The following PEBP4 variants were observed in gnomAD, a reference collection of about 807,000 sequenced individuals.
PEBP4 encodes phosphatidylethanolamine binding protein 4, also known as phosphatidylethanolamine-binding protein 4.
PEBP4 carries 22 observed loss-of-function variants against 23.9 expected under a neutral mutation model. The ratio of observed to expected loss-of-function variants is 0.92; its 90% CI spans 0.66 to 1.31. PEBP4 has a LOEUF of 1.31. Ranked by LOEUF, PEBP4 falls within the 40% of genes most tolerant of loss-of-function variation. The pLI, the probability that PEBP4 is intolerant of heterozygous loss-of-function variation, is 0.00. For synonymous variants in PEBP4, 112 were observed against 99.3 expected (o/e 1.13, Z -0.76); for missense variants, 324 against 281.7 (o/e 1.15, Z -1.07).
chr8:22,748,286 C>G (rs1194093933), intron 4 of PEBP4, among the ~76,000 whole-genome samples: 1 of 152,030 alleles, frequency 6.6e-6, no homozygotes, highest in African/African-American at 2.4e-5. Context: ...TTGAGAGGAG[C>G]CCTCCAGGGT....
chr8:22,787,446 G>C (rs571487291), intron 4 of PEBP4, among the ~76,000 whole-genome samples: 1 of 152,146 alleles, frequency 6.6e-6, no homozygotes, highest in Non-Finnish European at 1.5e-5. Flanking sequence ...GGCAGAGGCG[G>C]GGGAGGGGGA....
At chr8:22,770,338 C>T (rs1007711106) in intron 4 of PEBP4, among the ~76,000 whole-genome samples, 3 of 152,228 alleles carry the variant, frequency 2.0e-5, no homozygotes, top group African/African-American at 7.2e-5. Context: ...CCTTATCAAT[C>T]GCAGTCCCCC....
chr8:22,845,976 C>T (rs1158537547), intron 3 of PEBP4, among the ~76,000 whole-genome samples: 2 of 152,174 alleles, frequency 1.3e-5, no homozygotes, highest in African/African-American at 4.8e-5. Flanking sequence ...GTTGGGCCCG[C>T]CTAGGGGATA....
intron 3 of PEBP4, among the ~76,000 whole-genome samples, chr8:22,854,926 A>ATGTGTGTGTGTGTG (rs113480248): frequency 7.5e-6 from 1 of 133,218 alleles, no homozygotes; most frequent in Non-Finnish European, 1.6e-5. Flanking sequence ...TGAGATTAGA[A>ATGTGTGTGTGTGTG]TGTGTGTGTG....
chr8:22,890,303 G>A (rs368314510), intron 3 of PEBP4, among the ~76,000 whole-genome samples: 4 of 152,320 alleles, frequency 2.6e-5, no homozygotes, highest in Non-Finnish European at 4.4e-5. Context: ...GATGGGGCCC[G>A]CAATGGCACA....
intron 3 of PEBP4, among the ~76,000 whole-genome samples, chr8:22,882,521 T>G (rs1454078611): frequency 6.6e-6 from 1 of 152,106 alleles, no homozygotes; most frequent in Non-Finnish European, 1.5e-5. Context: ...ATTTTGATCA[T>G]GAACAGAGGG....
rs771815154 is a variant in PEBP4 at position 22,920,205 on chromosome 8, G to A, written c.237C>T (p.Val79=). 3.8e-5 allele frequency: 62 copies of A among 1,612,636 alleles called. No individual in the cohort carries two copies. The highest frequency in any genetic ancestry group is 4.8e-5 in the Non-Finnish European group (57 of 1,179,050). The stretch of plus-strand genomic sequence containing the variant: ...TCACGTCCACGGCCCCCGGGAACTT[G>A]ACTATCGGCTCCATCCAGGAGGTGA... ...QKITSWMEPI[V]KFPGAVDGAT... is the part of the protein sequence containing the mutation. Residue 79 remains valine (V), a synonymous_variant, in exon 3 of 7, where the codon GTC becomes GTT. Transcript: ENST00000256404.
intron 3 of PEBP4, among the ~76,000 whole-genome samples, chr8:22,824,862 G>A (rs1299583006): frequency 1.3e-5 from 2 of 152,210 alleles, no homozygotes; most frequent in East Asian, 3.8e-4. Context: ...GGATAAAGCT[G>A]CACTCACTGG....
intron 4 of PEBP4, among the ~76,000 whole-genome samples, chr8:22,813,507 A>G (rs962142368): frequency 6.6e-6 from 1 of 152,216 alleles, no homozygotes; most frequent in Admixed American, 6.5e-5. Context: ...AAATATCTGC[A>G]TGAAAAGCTC....
chr8:22,788,302 G>T (rs953027227), intron 4 of PEBP4, among the ~76,000 whole-genome samples: 6 of 152,054 alleles, frequency 3.9e-5, no homozygotes, highest in African/African-American at 1.2e-4. Context: ...GAAAGTGGCT[G>T]CCAGGGGGAC....
At chr8:22,898,529 A>G (rs1808643035) in intron 3 of PEBP4, among the ~76,000 whole-genome samples, 1 of 151,966 alleles carries the variant, frequency 6.6e-6, no homozygotes, top group Admixed American at 6.6e-5. Flanking sequence ...CAGTGGCTCA[A>G]TCTAATACTC....
At chr8:22,802,332 C>T (rs1368277987) in intron 4 of PEBP4, among the ~76,000 whole-genome samples, 1 of 152,216 alleles carries the variant, frequency 6.6e-6, no homozygotes, top group Non-Finnish European at 1.5e-5. Context: ...ACCCCCGTGC[C>T]AAGCCTGTCT....
intron 4 of PEBP4, among the ~76,000 whole-genome samples, chr8:22,781,333 C>T (rs1481523283): frequency 6.6e-6 from 1 of 151,968 alleles, no homozygotes; most frequent in Non-Finnish European, 1.5e-5. Context: ...ACTCCCGAGG[C>T]AGCAGGCACC....
chr8:22,844,715 A>G (rs1428785409), intron 3 of PEBP4, among the ~76,000 whole-genome samples: 1 of 152,180 alleles, frequency 6.6e-6, no homozygotes, highest in Admixed American at 6.5e-5. Flanking sequence ...CTTCCTAGCC[A>G]AGGACTTCAG....
At chr8:22,803,320 T>C (rs1472346292) in intron 4 of PEBP4, among the ~76,000 whole-genome samples, 1 of 152,228 alleles carries the variant, frequency 6.6e-6, no homozygotes, top group African/African-American at 2.4e-5. Flanking sequence ...AGGCCACCTG[T>C]CTTGGCCTCT....
chr8:22,792,643 T>C (rs1309631996), intron 4 of PEBP4, among the ~76,000 whole-genome samples: 1 of 152,100 alleles, frequency 6.6e-6, no homozygotes, highest in African/African-American at 2.4e-5. Context: ...GGTAGCAAAT[T>C]TCGTTCTAAG....
intron 3 of PEBP4, among the ~76,000 whole-genome samples, chr8:22,819,095 T>C (rs1474013157): frequency 1.3e-5 from 2 of 152,002 alleles, no homozygotes; most frequent in South Asian, 2.1e-4. Context: ...GTGAATAAAT[T>C]TGGTAGTCAT....
chr8:22,921,119 A>C (rs1464100326), intron 2 of PEBP4, among the ~76,000 whole-genome samples: 1 of 152,266 alleles, frequency 6.6e-6, no homozygotes, highest in Non-Finnish European at 1.5e-5. Flanking sequence ...CTGTAAGTGC[A>C]TGCTTATATT....
At chr8:22,919,796 G>C (rs971775018) in intron 3 of PEBP4, among the ~76,000 whole-genome samples, 1 of 152,120 alleles carries the variant, frequency 6.6e-6, no homozygotes, top group African/African-American at 2.4e-5. Flanking sequence ...GGCACCCCGC[G>C]CCTTGAGAGA....
Sources: gnomAD v4.1 joint callset for allele counts (sites outside exome capture counted in the v4.1 genomes callset) on GRCh38, gnomAD v4.1.1 for gene constraint, MANE v1.5 for transcripts, NCBI Gene and HGNC (gene_info 2026-07-23, HGNC 2026-07-21) for gene names.